The following DMAP1 variants were observed in gnomAD, a reference collection of about 807,000 sequenced individuals.
DMAP1 encodes the protein DNA methyltransferase 1-associated protein 1.
DMAP1 carries 26 observed loss-of-function variants against 52.7 expected under a neutral mutation model. That is an observed-to-expected ratio of 0.49 (90% confidence interval 0.36 to 0.68). The LOEUF is 0.68. Among genes scored for constraint, DMAP1 ranks in the 30% least tolerant of loss-of-function variants. The pLI is 0.00. For synonymous variants in DMAP1, 231 were observed against 246.0 expected, an observed-to-expected ratio of 0.94 and a Z score of 0.57; for missense variants, 439 against 625.2, an observed-to-expected ratio of 0.70 and a Z score of 3.18.
chr1:44,215,225 C>T (rs776233884), intron 3 of DMAP1: 9 of 497,324 alleles, frequency 1.8e-5, no homozygotes, highest in South Asian at 1.4e-4. Context: ...TTCAGTTACC[C>T]TCTCTACAAG....
rs1643735047 is a variant in DMAP1, at chr1:44,213,964, C to A, written c.105+106C>A. ...GGTGCTACACTTACAGTGAGTTGGG[C>A]GATAAAAGGGGTGACATAACAGGAC... On this transcript the variant is annotated intron_variant, in intron 1 of 9. Coordinates refer to ENST00000372289, the MANE Select transcript of DMAP1 (RefSeq NM_019100.5). This position sits in a 1 kb window ranked among gnomAD's most constrained non-coding sequence, Gnocchi z 4.5. 9.8e-7 allele frequency: 1 copy of A among 1,018,832 alleles called. No individual in the cohort carries two copies. The highest frequency in any genetic ancestry group is 1.5e-6 in the Non-Finnish European group (1 of 679,710). The allele number at this position is 1,018,832 out of a possible 1,614,324, so 63.1% of individuals were successfully genotyped here. A position where few individuals can be genotyped will look rare whatever the true frequency, so the allele number is the denominator to read the frequency against.
At position 44,214,851 on chromosome 1, in the gene DMAP1, C is replaced by A; in HGVS notation, c.346C>A (p.Arg116Ser). 1 of 1,614,170 alleles carries A rather than the reference C, an allele frequency of 6.2e-7. No individual in the cohort carries two copies. ...CGGAGCAATGTTCTTCCACTGGCGA[C>A]GTGCAGCGGAGGAGGGCAAGGACTA... ...KDGAMFFHWR[R>S]AAEEGKDYPF... Residue 116 changes from arginine to serine, a missense_variant, in exon 3 of 10, where the codon CGT becomes AGT. Physicochemically the swap from Arg to Ser is moderately radical, Grantham distance 110. Coordinates refer to ENST00000372289, the MANE Select transcript of DMAP1 (RefSeq NM_019100.5).
chr1:44,220,482 G>C, intron 9 of DMAP1, 77 bp from the exon 10 acceptor site: 1 of 1,612,180 alleles, frequency 6.2e-7, no homozygotes, highest in Non-Finnish European at 8.5e-7. Context: ...TTGTCCCTGA[G>C]CGTGTGAAGC....
At position 44,220,236 on chromosome 1, in the gene DMAP1, C is replaced by T. The variant is rs760506719; in HGVS notation, c.1271C>T (p.Thr424Ile). The change falls in exon 9 of 10, where the codon ACT becomes ATT. Residue 424 changes from threonine (T) to isoleucine (I), a missense_variant. Transcript: ENST00000372289. ...PGPASAEPAV[T>I]EPGLGPDPKD... ...CCGGCCTCTGCTGAGCCGGCAGTGACTGAACCCGGACTTGGTCCTGACCCC... is the reference window on the plus strand; with the variant it reads ...CCGGCCTCTGCTGAGCCGGCAGTGATTGAACCCGGACTTGGTCCTGACCCC... The T allele has an allele frequency of 6.3e-7, 1 of 1,585,880 alleles. No homozygotes were observed. Among genetic ancestry groups the T allele is most frequent in the Non-Finnish European group, 8.6e-7 (1 of 1,160,464 alleles).
In DMAP1 at chr1:44,220,628, C is replaced by T. The variant is rs754226355; in HGVS notation, c.*10C>T. 33 of 1,614,068 alleles carry T rather than the reference C, an allele frequency of 2.0e-5. No individual in the cohort carries two copies. The highest frequency in any genetic ancestry group is 1.7e-4 in the African/African-American group (13 of 74,928). ...AGCCAAGAAGCCGTGAGAGGCCCCACGGGGTGTGGGCGACGCTGTTATGTA... is the reference window on the plus strand; with the variant it reads ...AGCCAAGAAGCCGTGAGAGGCCCCATGGGGTGTGGGCGACGCTGTTATGTA... On this transcript the variant is annotated 3_prime_UTR_variant, in exon 10 of 10. Coordinates refer to ENST00000372289, the MANE Select transcript of DMAP1 (RefSeq NM_019100.5).
Position 44,214,377 on chromosome 1 carries a change from C to T in DMAP1, c.133C>T (p.Leu45=), listed in dbSNP as rs887177979. 8.7e-5 allele frequency: 140 copies of T among 1,614,010 alleles called. No homozygotes were observed. The highest frequency in any genetic ancestry group is 1.1e-4 in the Non-Finnish European group (134 of 1,180,004). Residue 45 remains leucine, a synonymous_variant, in exon 2 of 10, where the codon CTG becomes TTG. Coordinates refer to ENST00000372289, the MANE Select transcript of DMAP1 (RefSeq NM_019100.5). ...AAAATCCAAGAAGTCCTCTGAGACA[C>T]TGACTTTCAAGAGGCCCGAGGGCAT... ...KKKSKKSSET[L]TFKRPEGMHR...
rs746322445 is a variant in DMAP1 at position 44,218,228 on chromosome 1, G to A, written c.394-83G>A. 1.3e-6 allele frequency: 2 copies of A among 1,584,294 alleles called. No homozygotes were observed. Among genetic ancestry groups the A allele is most frequent in the Non-Finnish European group, 1.7e-6 (2 of 1,153,192 alleles). On this transcript the variant is annotated intron_variant, in intron 3 of 9. Coordinates refer to ENST00000372289, the MANE Select transcript of DMAP1 (RefSeq NM_019100.5). This position sits in a 1 kb window ranked among gnomAD's most constrained non-coding sequence, Gnocchi z 5.6. ...GCCCAGGGTCTGGCAACAAACAGGA[G>A]CAGCTGTGGTCACTGGGGCCTGGAG...
chr1:44,220,463 T>C (rs1643881008), intron 9 of DMAP1, 96 bp from the exon 10 acceptor site: 1 of 1,605,452 alleles, frequency 6.2e-7, no homozygotes, highest in African/African-American at 1.3e-5. Context: ...GGTTGACCAG[T>C]GGGCGTCCTT....
rs1461370877 is a variant in DMAP1, at chr1:44,218,459, A to G, written c.542A>G (p.Gln181Arg). The G allele has an allele frequency of 1.2e-6, 2 of 1,614,048 alleles. No individual in the cohort carries two copies. Among genetic ancestry groups the G allele is most frequent in the Non-Finnish European group, 1.7e-6 (2 of 1,180,018 alleles). Residue 181 changes from glutamine to arginine, a missense_variant, in exon 4 of 10, where the codon CAG becomes CGG. Physicochemically the swap from Gln to Arg is conservative, Grantham distance 43 (BLOSUM62 1). Around this residue, in one of 3 missense-constraint regions of DMAP1, gnomAD observed 142 missense variants for 149.5 expected, o/e 0.95. Coordinates refer to ENST00000372289, the MANE Select transcript of DMAP1 (RefSeq NM_019100.5). The surrounding 1 kb of genome is among the most constrained non-coding windows in gnomAD (Gnocchi z 5.6). ...GTTATCCATGACCGGTATGACCACC[A>G]GCAGTTCAAGGTGAGCCATTGTGTA... Reference protein sequence around the residue: ...FVVIHDRYDHQQFKKRSVEDL... With the variant: ...FVVIHDRYDHRQFKKRSVEDL...
rs1251801769 is a variant in DMAP1, at chr1:44,218,447, G to A, written c.530G>A (p.Arg177Gln). The A allele has an allele frequency of 3.7e-6, 6 of 1,614,170 alleles. No individual in the cohort carries two copies. The highest frequency in any genetic ancestry group is 3.3e-5 in the Admixed American group (2 of 60,024). ...CTGCGTTTTGTTGTTATCCATGACC[G>A]GTATGACCACCAGCAGTTCAAGGTG... Reference protein sequence around the residue: ...FDLRFVVIHDRYDHQQFKKRS... With the variant: ...FDLRFVVIHDQYDHQQFKKRS... Residue 177 changes from arginine (R) to glutamine (Q), a missense_variant, in exon 4 of 10, where the codon CGG (arginine) becomes CAG (glutamine). Coordinates refer to ENST00000372289, the MANE Select transcript of DMAP1 (RefSeq NM_019100.5). This position sits in a 1 kb window ranked among gnomAD's most constrained non-coding sequence, Gnocchi z 5.6.
rs1179431896 is a variant in DMAP1, at chr1:44,213,965, G to A, written c.105+107G>A. 3 of 993,814 alleles carry A rather than the reference G, an allele frequency of 3.0e-6. No individual in the cohort carries two copies. The highest frequency in any genetic ancestry group is 1.6e-5 in the African/African-American group (1 of 61,984). The allele number at this position is 993,814 out of a possible 1,614,324, so 61.6% of individuals were successfully genotyped here. A position where few individuals can be genotyped will look rare whatever the true frequency, so the allele number is the denominator to read the frequency against. ...GTGCTACACTTACAGTGAGTTGGGC[G>A]ATAAAAGGGGTGACATAACAGGACA... On this transcript the variant is annotated intron_variant, in intron 1 of 9. Coordinates refer to ENST00000372289, the MANE Select transcript of DMAP1 (RefSeq NM_019100.5). The surrounding 1 kb of genome is among the most constrained non-coding windows in gnomAD (Gnocchi z 4.5).
In DMAP1 at chr1:44,218,197, G is replaced by A. The variant is rs781033316; in HGVS notation, c.394-114G>A. 1 of 1,415,178 alleles carries A rather than the reference G, an allele frequency of 7.1e-7. No individual in the cohort carries two copies. The highest frequency in any genetic ancestry group is 1.2e-5 in the South Asian group (1 of 86,562). 87.7% of individuals were successfully genotyped at this position (1,415,178 alleles called of 1,614,324 possible). A position where few individuals can be genotyped will look rare whatever the true frequency, so the allele number is the denominator to read the frequency against. ...TCTTTCCTCACTCCATGCTGCAGGG[G>A]CACAGGCCCAGGGTCTGGCAACAAA... On this transcript the variant is annotated intron_variant, in intron 3 of 9. Transcript: ENST00000372289. This position sits in a 1 kb window ranked among gnomAD's most constrained non-coding sequence, Gnocchi z 5.6.
intron 3 of DMAP1, chr1:44,216,626 G>C (rs1643799677): frequency 6.6e-6 from 1 of 152,236 alleles, no homozygotes; most frequent in African/African-American, 2.4e-5. Flanking sequence ...ACTTCCCAGA[G>C]GAGATGATGC....
Position 44,218,252 on chromosome 1 carries a change from A to G in DMAP1, c.394-59A>G, listed in dbSNP as rs2154314333. The G allele has an allele frequency of 6.2e-7, 1 of 1,611,952 alleles. No individual in the cohort carries two copies. The highest frequency in any genetic ancestry group is 1.1e-5 in the South Asian group (1 of 90,996). On this transcript the variant is annotated intron_variant, in intron 3 of 9. Transcript: ENST00000372289. This position sits in a 1 kb window ranked among gnomAD's most constrained non-coding sequence, Gnocchi z 5.6. ...AGCAGCTGTGGTCACTGGGGCCTGG[A>G]GCCTGCTGGACATGACATCATGCGG...
chr1:44,219,008 T>C (rs758653652), intron 5 of DMAP1, 48 bp from the exon 6 acceptor site: 1 of 1,602,816 alleles, frequency 6.2e-7, no homozygotes, highest in Non-Finnish European at 8.5e-7. Flanking sequence ...GTGTCTACCC[T>C]CACTCCTAGA....
intron 1 of DMAP1, 131 bp from the exon 2 acceptor site, chr1:44,214,219 T>G (rs1643742329): frequency 1.2e-6 from 1 of 861,266 alleles, no homozygotes; most frequent in Non-Finnish European, 1.9e-6. Flanking sequence ...TGGGTTTCTG[T>G]GCCTTTACAG....
chr1:44,220,535 T>A, intron 9 of DMAP1, 24 bp from the exon 10 acceptor site: 1 of 1,614,232 alleles, frequency 6.2e-7, no homozygotes, highest in Non-Finnish European at 8.5e-7. Context: ...GTCACTGACC[T>A]CAATGCCTTC....
rs778710203 is a variant in DMAP1 at position 44,218,154 on chromosome 1, C to G, written c.394-157C>G. The G allele has an allele frequency of 2.1e-6, 2 of 968,558 alleles. No individual in the cohort carries two copies. The highest frequency in any genetic ancestry group is 3.2e-5 in the African/African-American group (2 of 62,542). 60.0% of individuals were successfully genotyped at this position (968,558 alleles called of 1,614,324 possible). ...ACAGTCCCAAACCCTGCTAGGACCT[C>G]TAGTCAAGCAGACAAGTTCTTTCCT... On this transcript the variant is annotated intron_variant, in intron 3 of 9. Coordinates refer to ENST00000372289, the MANE Select transcript of DMAP1 (RefSeq NM_019100.5). This position sits in a 1 kb window ranked among gnomAD's most constrained non-coding sequence, Gnocchi z 5.6.
At chr1:44,219,994 T>C (rs777274603) in intron 8 of DMAP1, 23 bp from the exon 9 acceptor site, 1 of 1,598,754 alleles carries the variant, frequency 6.3e-7, no homozygotes, top group East Asian at 2.2e-5. Context: ...GCTCTGCCCG[T>C]GCTGCCTGCC....
Sources: allele counts gnomAD v4.1 joint callset, GRCh38; gene constraint gnomAD v4.1.1; regional missense constraint gnomAD v4.1.1; non-coding constraint Gnocchi (gnomAD v3.1); transcripts MANE v1.5; gene names NCBI Gene and HGNC (gene_info 2026-07-23, HGNC 2026-07-21).